The following AGBL3 variants were observed in gnomAD, a reference collection of about 807,000 sequenced individuals.
AGBL3 encodes AGBL carboxypeptidase 3, also known as cytosolic carboxypeptidase 3.
In AGBL3, 68 loss-of-function variants were observed where a neutral mutation model predicts 94.5. That is an observed-to-expected ratio of 0.72 (90% CI 0.59 to 0.88). The LOEUF (loss-of-function observed/expected upper bound fraction) is 0.88. Among genes scored for constraint, AGBL3 ranks in the 40% least tolerant of loss-of-function variants. The pLI is 0.00. For missense variants in AGBL3, 934 were observed against 1,103.8 expected (o/e 0.85, Z 2.18); for synonymous variants, 354 against 370.7 (o/e 0.95, Z 0.52).
At chr7:135,105,448 T>C (rs1824547306) in intron 15 of AGBL3, among the ~76,000 whole-genome samples, 1 of 152,232 alleles carries the variant, frequency 6.6e-6, no homozygotes, top group African/African-American at 2.4e-5. Context: ...ATCTTCTGCA[T>C]ATGGCTAGCC....
chr7:134,987,446 T>C (rs1001317024), intron 1 of AGBL3, among the ~76,000 whole-genome samples: 5 of 152,202 alleles, frequency 3.3e-5, no homozygotes, highest in Admixed American at 1.3e-4. Context: ...ATAATCAAAA[T>C]GTAAAGTCTT....
chr7:135,124,368 C>T (rs1390656289), intron 16 of AGBL3, among the ~76,000 whole-genome samples: 6 of 152,156 alleles, frequency 3.9e-5, no homozygotes, highest in Non-Finnish European at 8.8e-5. Context: ...TATATATGCA[C>T]CCAATACAGG....
At chr7:135,043,075 G>T (rs1285926652) in intron 8 of AGBL3, among the ~76,000 whole-genome samples, 2 of 152,026 alleles carry the variant, frequency 1.3e-5, no homozygotes, top group African/African-American at 2.4e-5. Context: ...CTTTATTTTT[G>T]AACATCTCCA....
chr7:135,096,639 T>C lies in AGBL3; in HGVS notation c.2110+14849T>C, dbSNP rs1822863372. Among the ~76,000 whole-genome samples, 2 of 96,404 alleles carry C rather than the reference T, an allele frequency of 2.1e-5. 1 individual carries two copies. The highest frequency in any genetic ancestry group is 6.0e-4 in the South Asian group (2 of 3,326). The allele number at this position is 96,404 out of a possible 152,430, so 63.2% of individuals were successfully genotyped here. ...TAGATAGATAGGGCTATTCTTTTAA[T>C]GACTGGTGGAAGAACTTATACAACT... On this transcript the variant is annotated intron_variant, in intron 15 of 16. Coordinates refer to ENST00000436302, the MANE Select transcript of AGBL3 (RefSeq NM_178563.4).
At chr7:135,113,975 T>C (rs1825978170) in intron 15 of AGBL3, among the ~76,000 whole-genome samples, 1 of 152,220 alleles carries the variant, frequency 6.6e-6, no homozygotes, top group Non-Finnish European at 1.5e-5. Context: ...GTGTCTGGCT[T>C]ATTTTATTTT....
At chr7:135,024,024 A>C (rs991824517) in intron 5 of AGBL3, among the ~76,000 whole-genome samples, 1 of 151,132 alleles carries the variant, frequency 6.6e-6, no homozygotes, top group African/African-American at 2.4e-5. Context: ...CTTGAGCGGG[A>C]GGAGCCCCCA....
intron 13 of AGBL3, among the ~76,000 whole-genome samples, chr7:135,077,835 A>C (rs534498385): frequency 1.3e-5 from 2 of 152,304 alleles, no homozygotes; most frequent in African/African-American, 4.8e-5. Context: ...GAAGCGGCTG[A>C]TCACCAGTCT....
intron 11 of AGBL3, among the ~76,000 whole-genome samples, chr7:135,057,437 G>A (rs1158921569): frequency 1.2e-5 from 1 of 84,420 alleles, no homozygotes; most frequent in African/African-American, 3.7e-5. Flanking sequence ...ATAAAAAGAT[G>A]CTTGCCATCA....
chr7:135,100,927 T>C (rs1477703281), intron 15 of AGBL3, among the ~76,000 whole-genome samples: 1 of 152,180 alleles, frequency 6.6e-6, no homozygotes, highest in Non-Finnish European at 1.5e-5. Context: ...CCTGCCTACA[T>C]CATGAGACTG....
chr7:135,079,302 A>C (rs1362664768), intron 13 of AGBL3, among the ~76,000 whole-genome samples: 1 of 151,994 alleles, frequency 6.6e-6, no homozygotes, highest in Non-Finnish European at 1.5e-5. Context: ...TTTTTCTAGA[A>C]TGTTTCTTCC....
chr7:135,060,568 G>C (rs1818740298), intron 12 of AGBL3, among the ~76,000 whole-genome samples: 1 of 151,840 alleles, frequency 6.6e-6, no homozygotes, highest in East Asian at 1.9e-4. Context: ...CTTCACTCCT[G>C]CAGTCCCTGG....
At chr7:135,108,513 T>C (rs1311112199) in intron 15 of AGBL3, among the ~76,000 whole-genome samples, 1 of 152,210 alleles carries the variant, frequency 6.6e-6, no homozygotes, top group Non-Finnish European at 1.5e-5. Context: ...TTTTTTTCTT[T>C]AAGAATATTG....
intron 4 of AGBL3, among the ~76,000 whole-genome samples, chr7:135,012,872 G>A (rs1235271041): frequency 2.0e-5 from 3 of 152,024 alleles, no homozygotes; most frequent in Admixed American, 6.6e-5. Context: ...CGATATCTCT[G>A]TAGTTATAGA....
chr7:135,131,459 T>TA (rs111322207), intron 16 of AGBL3, among the ~76,000 whole-genome samples: 72,266 of 149,810 alleles, frequency 0.48, 17,673 homozygotes, highest in South Asian at 0.65. Context: ...AAACAAAAAT[T>TA]AAAAAAAAAA....
At chr7:135,105,080 T>TTC (rs1333383987) in intron 15 of AGBL3, among the ~76,000 whole-genome samples, 1 of 149,780 alleles carries the variant, frequency 6.7e-6, no homozygotes, top group East Asian at 1.9e-4. Context: ...GTTTTTTTTT[T>TTC]TTTTTTTGAG....
At chr7:134,989,697 G>T (rs1809975981) in intron 3 of AGBL3, among the ~76,000 whole-genome samples, 1 of 152,072 alleles carries the variant, frequency 6.6e-6, no homozygotes, top group African/African-American at 2.4e-5. Context: ...ACATGTGTGT[G>T]GACATCTTGA....
chr7:135,059,334 A>G (rs1288724760), intron 12 of AGBL3, 99 bp downstream of exon 12: 37 of 625,670 alleles, frequency 5.9e-5, no homozygotes, highest in Non-Finnish European at 8.5e-5. Context: ...ATATGTAATT[A>G]TTGTATCATC....
intron 11 of AGBL3, among the ~76,000 whole-genome samples, chr7:135,047,681 T>G (rs1817498664): frequency 6.6e-6 from 1 of 152,060 alleles, no homozygotes; most frequent in African/African-American, 2.4e-5. Context: ...TAGAAATATC[T>G]ATTCAAGTAC....
chr7:135,104,563 C>CT (rs1824359800), intron 15 of AGBL3, among the ~76,000 whole-genome samples: 1 of 152,020 alleles, frequency 6.6e-6, no homozygotes, highest in East Asian at 1.9e-4. Flanking sequence ...ATAAGATTCC[C>CT]TTTTTTCTGC....
Sources: gnomAD v4.1 joint callset for allele counts (sites outside exome capture counted in the v4.1 genomes callset) on GRCh38, gnomAD v4.1.1 for gene constraint, MANE v1.5 for transcripts, NCBI Gene and HGNC (gene_info 2026-07-23, HGNC 2026-07-21) for gene names.